STK33: variants seen among roughly 807,000 people sequenced by gnomAD.
STK33 encodes the protein serine/threonine kinase 33.
STK33 carries 52 observed loss-of-function variants against 58.0 expected under a neutral mutation model. The observed-to-expected ratio is 0.90, with a 90% CI of 0.72 to 1.13. The LOEUF (loss-of-function observed/expected upper bound fraction) is 1.13, where lower values mean the gene tolerates loss of function less well. STK33 is among the 50% of genes most tolerant of loss of function. The pLI, the probability that STK33 is intolerant of heterozygous loss-of-function variation, is 0.00. For missense variants in STK33, 630 were observed against 604.2 expected (o/e 1.04, Z -0.45); for synonymous variants, 215 against 200.1 (o/e 1.07, Z -0.63).
At chr11:8,376,377 T>C in the STK33 span, among the ~76,000 whole-genome samples, 17 of 152,156 alleles carry the variant, frequency 1.1e-4, no homozygotes, top group African/African-American at 4.1e-4. Flanking sequence ...TGGAGGGTAT[T>C]TAATACCATT....
intron 1 of STK33, among the ~76,000 whole-genome samples, chr11:8,510,493 C>G (rs1441473932): frequency 2.0e-5 from 3 of 152,024 alleles, no homozygotes; most frequent in African/African-American, 4.8e-5. Flanking sequence ...AGTGTGGAAG[C>G]TTTTTAATTT....
the STK33 span, among the ~76,000 whole-genome samples, chr11:8,370,667 G>C: frequency 6.6e-6 from 1 of 152,102 alleles, no homozygotes; most frequent in Non-Finnish European, 1.5e-5. Flanking sequence ...CCTGAATTTA[G>C]GGTCAAAAAA....
chr11:8,357,725 C>G, the STK33 span, among the ~76,000 whole-genome samples: 1 of 152,128 alleles, frequency 6.6e-6, no homozygotes, highest in South Asian at 2.1e-4. Flanking sequence ...CACAGTCCCC[C>G]TCCAGGAATC....
At chr11:8,385,052 A>G in the STK33 span, among the ~76,000 whole-genome samples, 1 of 152,210 alleles carries the variant, frequency 6.6e-6, no homozygotes, top group Non-Finnish European at 1.5e-5. Context: ...CAATCTGGTT[A>G]CTGAAGCCAA....
chr11:8,564,369 T>C (rs539509379), intron 1 of STK33, among the ~76,000 whole-genome samples: 52 of 152,332 alleles, frequency 3.4e-4, no homozygotes, highest in Non-Finnish European at 6.8e-4. Context: ...GCAGGCACTC[T>C]GGCCTTACGC....
intron 6 of STK33, chr11:8,465,103 A>T (rs2871753): frequency 0.47 from 105,248 of 222,978 alleles, 25,662 homozygotes; most frequent in Non-Finnish European, 0.52. Flanking sequence ...AATCTCTTTC[A>T]AACTATAATA....
the STK33 span, among the ~76,000 whole-genome samples, chr11:8,374,553 T>A: frequency 1.3e-5 from 2 of 152,100 alleles, no homozygotes; most frequent in Admixed American, 6.5e-5. Context: ...GAAGGATAGA[T>A]CATACTCGGG....
chr11:8,382,619 C>G, the STK33 span, among the ~76,000 whole-genome samples: 1 of 152,188 alleles, frequency 6.6e-6, no homozygotes, highest in East Asian at 1.9e-4. Flanking sequence ...TACACAGACA[C>G]AGACCACACC....
chr11:8,404,817 G>A (rs1938794054), intron 15 of STK33, among the ~76,000 whole-genome samples: 3 of 152,210 alleles, frequency 2.0e-5, no homozygotes, highest in Non-Finnish European at 4.4e-5. Flanking sequence ...TGGGATTGCT[G>A]GATAAATGGT....
At chr11:8,429,770 C>A (rs964930517) in intron 14 of STK33, among the ~76,000 whole-genome samples, 1 of 152,158 alleles carries the variant, frequency 6.6e-6, no homozygotes, top group African/African-American at 2.4e-5. Flanking sequence ...CAATACTCAT[C>A]TTGTTTCTAT....
chr11:8,522,792 G>A (rs776519071), intron 1 of STK33, among the ~76,000 whole-genome samples: 10 of 151,708 alleles, frequency 6.6e-5, no homozygotes, highest in Non-Finnish European at 1.3e-4. Flanking sequence ...TCCTTTCTAC[G>A]GTCTCCCTCT....
At chr11:8,560,035 G>C (rs986501787) in intron 1 of STK33, among the ~76,000 whole-genome samples, 2 of 151,846 alleles carry the variant, frequency 1.3e-5, no homozygotes, top group African/African-American at 2.4e-5. Flanking sequence ...TATTTAACAA[G>C]TCCATATCAA....
At position 8,474,990 on chromosome 11, in the gene STK33, G is replaced by T. The variant is rs148501114; in HGVS notation, c.-85C>A. ...CCAGGCCAAAAAGGATAAGGTAGTT[G>T]ATGGTGAAAACTGTAATTTCGAACT... On this transcript the variant is annotated 5_prime_UTR_variant, in exon 5 of 16. Coordinates refer to ENST00000687296, the MANE Select transcript of STK33 (RefSeq NM_001352389.2). The T allele has an allele frequency of 1.3e-3, 1,659 of 1,323,190 alleles. 15 individuals carry two copies. In the African/African-American group the frequency reaches 0.021, roughly 17 times the overall value. 82.0% of individuals were successfully genotyped at this position (1,323,190 alleles called of 1,614,324 possible). A position where few individuals can be genotyped will look rare whatever the true frequency, so the allele number is the denominator to read the frequency against.
At chr11:8,439,719 T>C (rs1173677610) in intron 12 of STK33, among the ~76,000 whole-genome samples, 1 of 151,514 alleles carries the variant, frequency 6.6e-6, no homozygotes, top group East Asian at 1.9e-4. Flanking sequence ...GGAATACATA[T>C]CCAGCCCCAA....
At chr11:8,406,758 G>C (rs904488141) in intron 15 of STK33, among the ~76,000 whole-genome samples, 4 of 151,956 alleles carry the variant, frequency 2.6e-5, no homozygotes, top group Admixed American at 1.3e-4. Context: ...GATTTTCTAT[G>C]TATACAAACA....
chr11:8,519,346 A>G (rs1337726603), intron 1 of STK33, among the ~76,000 whole-genome samples: 1 of 152,140 alleles, frequency 6.6e-6, no homozygotes, highest in Non-Finnish European at 1.5e-5. Flanking sequence ...AAAGCAGTGT[A>G]TAGAGGGAAA....
the STK33 span, among the ~76,000 whole-genome samples, chr11:8,352,063 G>A: frequency 0.015 from 2,303 of 152,278 alleles, 58 homozygotes; most frequent in African/African-American, 0.054. Flanking sequence ...AAATAAGCAC[G>A]AGCTGCCTCT....
intron 1 of STK33, among the ~76,000 whole-genome samples, chr11:8,589,175 G>A (rs1164245951): frequency 6.6e-6 from 1 of 151,910 alleles, no homozygotes; most frequent in Non-Finnish European, 1.5e-5. Flanking sequence ...GAACCCAGAA[G>A]AACTGATAAT....
At chr11:8,384,627 T>C in the STK33 span, among the ~76,000 whole-genome samples, 1 of 152,210 alleles carries the variant, frequency 6.6e-6, no homozygotes, top group Non-Finnish European at 1.5e-5. Context: ...AGTATTAAAG[T>C]GTTTGATCTC....
Sources: gnomAD v4.1 joint callset for allele counts (sites outside exome capture counted in the v4.1 genomes callset) on GRCh38, gnomAD v4.1.1 for gene constraint, MANE v1.5 for transcripts, NCBI Gene and HGNC (gene_info 2026-07-23, HGNC 2026-07-21) for gene names.